The following EMILIN2 variants were observed in gnomAD, a reference collection of about 807,000 sequenced individuals.
The protein encoded by EMILIN2 is EMILIN-2.
Under a neutral mutation model 87.1 loss-of-function variants are expected in EMILIN2, and 71 were observed. That is an observed-to-expected ratio of 0.82 (90% confidence interval 0.67 to 0.99). EMILIN2 has a LOEUF of 0.99. Ranked by LOEUF, EMILIN2 falls within the 50% of genes least tolerant of loss-of-function variation. The pLI, the probability that EMILIN2 is intolerant of heterozygous loss-of-function variation, is 0.00. For missense variants in EMILIN2, 1,407 were observed against 1,371.8 expected (o/e 1.03, Z -0.40); for synonymous variants, 581 against 563.4 (o/e 1.03, Z -0.44).
Position 2,913,099 on chromosome 18 carries a change from C to T in EMILIN2, c.2857C>T (p.Leu953=). The change falls in exon 8 of 8, where the codon CTG becomes TTG. Residue 953 remains leucine, a synonymous_variant. Coordinates refer to ENST00000254528, the MANE Select transcript of EMILIN2 (RefSeq NM_032048.3). ...CACGGCTCCTTATGATGGGCGCTAC[C>T]TGATCACGGCCACCCTCACCCCCGA... ...VFTAPYDGRY[L]ITATLTPERD... 6.2e-7 allele frequency: 1 copy of T among 1,612,082 alleles called. No homozygotes were observed. Among genetic ancestry groups the T allele is most frequent in the East Asian group, 2.2e-5 (1 of 44,868 alleles).
chr18:2,891,616 C>G lies in EMILIN2; in HGVS notation c.1489C>G (p.Leu497Val), dbSNP rs1442478120. ...GCTTGTTGATCAGAAAATACAGTCTCTGGAAGACCGTCTGGGGAGCGTTCT... is the reference window on the plus strand; with the variant it reads ...GCTTGTTGATCAGAAAATACAGTCTGTGGAAGACCGTCTGGGGAGCGTTCT... Reference protein sequence around the residue: ...KQLVDQKIQSLEDRLGSVLLQ... With the variant: ...KQLVDQKIQSVEDRLGSVLLQ... Residue 497 changes from leucine (L) to valine (V), a missense_variant, in exon 4 of 8, where the codon CTG (leucine) becomes GTG (valine). By Grantham distance (32) the Leu-to-Val change is conservative. Transcript: ENST00000254528. This position sits in a 1 kb window ranked among gnomAD's most constrained non-coding sequence, Gnocchi z 4.6. 4 of 1,614,028 alleles carry G rather than the reference C, an allele frequency of 2.5e-6. No homozygotes were observed. Among genetic ancestry groups the G allele is most frequent in the Non-Finnish European group, 2.5e-6 (3 of 1,180,028 alleles).
At chr18:2,889,220 C>G (rs1238440892) in intron 3 of EMILIN2, among the ~76,000 whole-genome samples, 2 of 143,968 alleles carry the variant, frequency 1.4e-5, no homozygotes, top group Non-Finnish European at 3.0e-5. Flanking sequence ...TCACTGCAAC[C>G]TCCGCCTCCT....
At chr18:2,872,442 G>A (rs970690460) in intron 2 of EMILIN2, among the ~76,000 whole-genome samples, 4 of 152,174 alleles carry the variant, frequency 2.6e-5, no homozygotes, top group East Asian at 1.9e-4. Context: ...GGCTGGCCTC[G>A]AACCCTTATG....
Position 2,907,002 on chromosome 18 carries a change from C to G in EMILIN2, c.2579C>G (p.Ser860Cys). 1 of 1,364,478 alleles carries G rather than the reference C, an allele frequency of 7.3e-7. No individual in the cohort carries two copies. Among genetic ancestry groups the G allele is most frequent in the African/African-American group, 1.5e-5 (1 of 66,272 alleles). 84.5% of individuals were successfully genotyped at this position (1,364,478 alleles called of 1,614,324 possible). Reference protein sequence around the residue: ...QAGPPAGAGVSGRGLPRGVDG... With the variant: ...QAGPPAGAGVCGRGLPRGVDG... ...GGGCCCCCCGCAGGCGCAGGCGTGT[C>G]TGGGCGGGGTCTGCCGCGGGGCGTG... The change falls in exon 5 of 8, where the codon TCT becomes TGT. Residue 860 changes from serine to cysteine, a missense_variant. By Grantham distance (112) the Ser-to-Cys change is moderately radical. Coordinates refer to ENST00000254528, the MANE Select transcript of EMILIN2 (RefSeq NM_032048.3).
At chr18:2,881,344 C>T (rs1379335137) in intron 2 of EMILIN2, among the ~76,000 whole-genome samples, 2 of 152,240 alleles carry the variant, frequency 1.3e-5, no homozygotes, top group Non-Finnish European at 2.9e-5. Flanking sequence ...TCAACCTGAA[C>T]TCCCTTGGCC....
At chr18:2,875,691 C>T (rs900977437) in intron 2 of EMILIN2, among the ~76,000 whole-genome samples, 2 of 152,168 alleles carry the variant, frequency 1.3e-5, no homozygotes, top group Non-Finnish European at 2.9e-5. Flanking sequence ...AGGGGTTGGG[C>T]GCAGCCTGCA....
At chr18:2,857,073 C>A (rs1189043321) in intron 2 of EMILIN2, among the ~76,000 whole-genome samples, 1 of 152,142 alleles carries the variant, frequency 6.6e-6, no homozygotes, top group Non-Finnish European at 1.5e-5. Flanking sequence ...TAGAAGGACC[C>A]AGAAGGACTC....
chr18:2,868,776 G>A (rs2076703924), intron 2 of EMILIN2, among the ~76,000 whole-genome samples: 1 of 151,692 alleles, frequency 6.6e-6, no homozygotes, highest in Admixed American at 6.7e-5. Flanking sequence ...GGCATCAGAC[G>A]GAGACCGTGG....
At position 2,891,201 on chromosome 18, in the gene EMILIN2, T is replaced by C; in HGVS notation, c.1074T>C (p.Tyr358=). ...LTGLQQQCDD[Y]GSSYLGVIEL... is the part of the protein sequence containing the mutation. Reference sequence around the variant, plus strand: ...GCCTCCAGCAGCAGTGTGATGACTATGGGAGCAGCTACCTGGGAGTGATAG... The same window carrying C: ...GCCTCCAGCAGCAGTGTGATGACTACGGGAGCAGCTACCTGGGAGTGATAG... The change falls in exon 4 of 8, where the codon TAT becomes TAC. Residue 358 remains tyrosine, a synonymous_variant. Transcript: ENST00000254528. The surrounding 1 kb of genome is among the most constrained non-coding windows in gnomAD (Gnocchi z 4.6). 1.2e-6 allele frequency: 2 copies of C among 1,614,134 alleles called. No individual in the cohort carries two copies. Among genetic ancestry groups the C allele is most frequent in the South Asian group, 1.1e-5 (1 of 91,082 alleles).
rs186449217 is a variant in EMILIN2 at position 2,880,164 on chromosome 18, A to G, written c.258-4800A>G. Among the ~76,000 whole-genome samples the G allele has an allele frequency of 2.7e-4, 41 of 152,330 alleles. No homozygotes were observed. The highest frequency in any genetic ancestry group is 8.4e-4 in the African/African-American group (35 of 41,580). On this transcript the variant is annotated intron_variant, in intron 2 of 7. Coordinates refer to ENST00000254528, the MANE Select transcript of EMILIN2 (RefSeq NM_032048.3). The surrounding 1 kb of genome is among the most constrained non-coding windows in gnomAD (Gnocchi z 4.1). ...TATGAAGGAGGTCTCAACTTGAGTC[A>G]GTAGAAGGAGTCTTTGTGGGGGTGA...
At chr18:2,858,583 G>GTGTGTATATATATA (rs1180735843) in intron 2 of EMILIN2, among the ~76,000 whole-genome samples, 4 of 63,064 alleles carry the variant, frequency 6.3e-5, no homozygotes, top group African/African-American at 1.9e-4. Flanking sequence ...GTGTGTGTGT[G>GTGTGTATATATATA]TATATATATA....
rs966220216 is a variant in EMILIN2, at chr18:2,906,955, C to T, written c.2532C>T (p.Val844=). The T allele has an allele frequency of 7.1e-7, 1 of 1,405,660 alleles. No individual in the cohort carries two copies. The highest frequency in any genetic ancestry group is 9.3e-7 in the Non-Finnish European group (1 of 1,078,240). The allele number at this position is 1,405,660 out of a possible 1,614,324, so 87.1% of individuals were successfully genotyped here. ...CCCAGCCGCCAGGCTCCACCGGGGT[C>T]ATCGCGGAGACGGGCCAGGCCGGGC... The part of the protein sequence containing the change: ...RPPQPPGSTG[V]IAETGQAGPP... The change falls in exon 5 of 8, where the codon GTC becomes GTT. Residue 844 remains valine, a synonymous_variant. Transcript: ENST00000254528.
intron 2 of EMILIN2, among the ~76,000 whole-genome samples, chr18:2,859,295 T>G (rs1435079335): frequency 5.3e-5 from 8 of 152,358 alleles, no homozygotes; most frequent in African/African-American, 1.9e-4. Flanking sequence ...ATTGTGGTTT[T>G]GATTTTCATT....
At chr18:2,857,849 G>A (rs1568453475) in intron 2 of EMILIN2, among the ~76,000 whole-genome samples, 1 of 152,198 alleles carries the variant, frequency 6.6e-6, no homozygotes, top group Non-Finnish European at 1.5e-5. Context: ...GCCTGCTGGT[G>A]CCAGGAAGCA....
chr18:2,905,171 G>C (rs1367003492), intron 4 of EMILIN2, among the ~76,000 whole-genome samples: 1 of 151,544 alleles, frequency 6.6e-6, no homozygotes, highest in African/African-American at 2.4e-5. Flanking sequence ...TCATCCTCAG[G>C]GAAAACTGAG....
In EMILIN2 at chr18:2,892,388, A is replaced by G; in HGVS notation, c.2261A>G (p.Asp754Gly). The G allele has an allele frequency of 6.2e-7, 1 of 1,614,108 alleles. No individual in the cohort carries two copies. The highest frequency in any genetic ancestry group is 8.5e-7 in the Non-Finnish European group (1 of 1,180,034). ...MNGTLRSHSR[D>G]ISGLKNSVQQ... ...GGAACGCTCAGGTCGCATTCCAGAG[A>G]CATTTCTGGCCTGAAGAATTCAGTC... The change falls in exon 4 of 8, where the codon GAC (aspartate) becomes GGC (glycine). Residue 754 changes from aspartate to glycine, a missense_variant. Coordinates refer to ENST00000254528, the MANE Select transcript of EMILIN2 (RefSeq NM_032048.3).
chr18:2,876,617 T>C (rs1291682007), intron 2 of EMILIN2, among the ~76,000 whole-genome samples: 1 of 132,154 alleles, frequency 7.6e-6, no homozygotes, highest in Non-Finnish European at 1.7e-5. Flanking sequence ...ATACAAAAAA[T>C]TAGCCGGGTG....
intron 3 of EMILIN2, among the ~76,000 whole-genome samples, chr18:2,889,575 T>C (rs1394069643): frequency 1.3e-5 from 2 of 152,134 alleles, no homozygotes; most frequent in African/African-American, 4.8e-5. Flanking sequence ...ATCACTATCA[T>C]TCCCCCCTTA....
rs2143938646 is a variant in EMILIN2, at chr18:2,847,093, G to A, written c.-96G>A. Reference sequence around the variant, plus strand: ...CGAAGCGCCCGAGCCTCTTGCCTTCGCGGGCGGCGCCCTGGCCGCCGGCAG... The same window carrying A: ...CGAAGCGCCCGAGCCTCTTGCCTTCACGGGCGGCGCCCTGGCCGCCGGCAG... On this transcript the variant is annotated 5_prime_UTR_variant, in exon 1 of 8. Coordinates refer to ENST00000254528, the MANE Select transcript of EMILIN2 (RefSeq NM_032048.3). This position sits in a 1 kb window ranked among gnomAD's most constrained non-coding sequence, Gnocchi z 4.5. 3 of 1,073,388 alleles carry A rather than the reference G, an allele frequency of 2.8e-6. No homozygotes were observed. Among genetic ancestry groups the A allele is most frequent in the Non-Finnish European group, 3.4e-6 (3 of 879,890 alleles). The allele number at this position is 1,073,388 out of a possible 1,614,324, so 66.5% of individuals were successfully genotyped here. A position where few individuals can be genotyped will look rare whatever the true frequency, so the allele number is the denominator to read the frequency against.
Sources: gnomAD v4.1 joint callset for allele counts (sites outside exome capture counted in the v4.1 genomes callset) on GRCh38, gnomAD v4.1.1 for gene constraint, Gnocchi (gnomAD v3.1) non-coding constraint, MANE v1.5 for transcripts, NCBI Gene and HGNC (gene_info 2026-07-23, HGNC 2026-07-21) for gene names.